The following DNM1L variants were observed in gnomAD, a reference collection of about 807,000 sequenced individuals.
DNM1L encodes the protein dynamin 1L.
Under a neutral mutation model 92.8 loss-of-function variants are expected in DNM1L, and 33 were observed. The observed-to-expected ratio is 0.36, with a 90% confidence interval of 0.27 to 0.48. The LOEUF (loss-of-function observed/expected upper bound fraction) is 0.48, where lower values mean the gene tolerates loss of function less well. DNM1L is among the 20% of genes least tolerant of loss of function. The pLI is 0.99. For synonymous variants in DNM1L, 284 were observed against 305.0 expected (o/e 0.93, Z 0.72); for missense variants, 485 against 888.8 (o/e 0.55, Z 5.78).
rs1955034068 is a variant in DNM1L at position 32,738,186 on chromosome 12, C to T, written c.1675-78C>T. 5 of 1,522,974 alleles carry T rather than the reference C, an allele frequency of 3.3e-6. No individual in the cohort carries two copies. The South Asian group carries it at 4.5e-5, about 14-fold the overall frequency. The allele number at this position is 1,522,974 out of a possible 1,614,324, so 94.3% of individuals were successfully genotyped here. A position where few individuals can be genotyped will look rare whatever the true frequency, so the allele number is the denominator to read the frequency against. ...AAAGTAATTTAAAGAGGAAATTATC[C>T]TGCACTTTTTGAATTTCAACCCATT... On this transcript the variant is annotated intron_variant, in intron 15 of 19. Coordinates refer to ENST00000549701, the MANE Select transcript of DNM1L (RefSeq NM_012062.5).
At chr12:32,696,237 A>G (rs962708169) in intron 1 of DNM1L, among the ~76,000 whole-genome samples, 6 of 152,100 alleles carry the variant, frequency 3.9e-5, no homozygotes, top group Admixed American at 1.3e-4. Flanking sequence ...TTACCTTTAT[A>G]AGTAAAGGAA....
chr12:32,743,399 C>T lies in DNM1L; in HGVS notation c.2200C>T (p.His734Tyr). The T allele has an allele frequency of 6.2e-7, 1 of 1,613,928 alleles. No homozygotes were observed. Among genetic ancestry groups the T allele is most frequent in the Non-Finnish European group, 8.5e-7 (1 of 1,179,968 alleles). Residue 734 changes from histidine (H) to tyrosine (Y), a missense_variant, in exon 20 of 20, where the codon CAT becomes TAT. Transcript: ENST00000549701. ...AATTATTGCTGAAATCCGGGAGACTCATCTTTGGTGAAGAGAACTATGTAA... is the reference window on the plus strand; with the variant it reads ...AATTATTGCTGAAATCCGGGAGACTTATCTTTGGTGAAGAGAACTATGTAA... ...SQIIAEIRETHLW is the reference protein window; with the variant it reads ...SQIIAEIRETYLW
rs745781534 is a variant in DNM1L at position 32,705,821 on chromosome 12, A to G, written c.251-1546A>G. 56 of 1,597,726 alleles carry G rather than the reference A, an allele frequency of 3.5e-5. No homozygotes were observed. In the South Asian group the frequency reaches 5.1e-4, roughly 14 times the overall value. ...TATTCTGTGCTGTTTCTCTTTAACTACAGACCCTGCTACATGGAAAAACTC... is the reference window on the plus strand; with the variant it reads ...TATTCTGTGCTGTTTCTCTTTAACTGCAGACCCTGCTACATGGAAAAACTC... On this transcript the variant is annotated intron_variant, in intron 2 of 19. Coordinates refer to ENST00000549701, the MANE Select transcript of DNM1L (RefSeq NM_012062.5).
intron 6 of DNM1L, among the ~76,000 whole-genome samples, chr12:32,714,571 C>G (rs1006185380): frequency 8.5e-5 from 13 of 152,086 alleles, no homozygotes; most frequent in African/African-American, 3.1e-4. Flanking sequence ...CGTGCTTGGC[C>G]CCAATATTTT....
intron 17 of DNM1L, 73 bp downstream of exon 17, chr12:32,740,313 A>T: frequency 6.2e-7 from 1 of 1,612,100 alleles, no homozygotes; most frequent in Non-Finnish European, 8.5e-7. Context: ...AGACAGAAAG[A>T]ACTAAAAGTC....
At chr12:32,724,674 AATAT>A (rs1490018589) in intron 9 of DNM1L, among the ~76,000 whole-genome samples, 2 of 139,332 alleles carry the variant, frequency 1.4e-5, no homozygotes, top group Non-Finnish European at 3.1e-5. Context: ...AAAAAATAAT[AATAT>A]ATATAATAAT....
rs202245702 is a variant in DNM1L, at chr12:32,731,017, C to T, written c.1083C>T (p.Cys361=). ...TAKYIETSEL[C]GGARICYIFH... is the part of the protein sequence containing the mutation. The stretch of plus-strand genomic sequence containing the variant: ...CATATACTTCATTGCCTTTCAGATG[C>T]GGTGGTGCTAGAATTTGTTATATTT... The change falls in exon 10 of 20, where the codon TGC becomes TGT. Residue 361 remains cysteine, a synonymous_variant. Transcript: ENST00000549701. The surrounding 1 kb of genome is among the most constrained non-coding windows in gnomAD (Gnocchi z 5.1). The T allele has an allele frequency of 1.4e-4, 231 of 1,613,702 alleles. No homozygotes were observed. Among genetic ancestry groups the T allele is most frequent in the Non-Finnish European group, 1.9e-4 (223 of 1,179,836 alleles).
At chr12:32,742,888 CTTTTTTTTTTTT>C (rs36039451) in intron 19 of DNM1L, 140 bp downstream of exon 19, 51 of 248,680 alleles carry the variant, frequency 2.1e-4, no homozygotes, top group Admixed American at 4.9e-4. Flanking sequence ...TGATAAGAAT[CTTTTTTTTTTTT>C]TTTTTTTTTT....
chr12:32,718,544 A>T, intron 6 of DNM1L, 99 bp from the exon 7 acceptor site: 2 of 1,471,766 alleles, frequency 1.4e-6, no homozygotes. Flanking sequence ...ACTAAGTGGG[A>T]TTGTAGATGA....
At position 32,722,580 on chromosome 12, in the gene DNM1L, A is replaced by G. The variant is rs2137445933; in HGVS notation, c.1026A>G (p.Thr342=). Residue 342 remains threonine (T), a synonymous_variant, in exon 9 of 20, where the codon ACA becomes ACG. Coordinates refer to ENST00000549701, the MANE Select transcript of DNM1L (RefSeq NM_012062.5). ...TCCAACTTATTACCAAATTTGCCAC[A>G]GAATATTGTAACACTATTGAAGGAA... The part of the protein sequence containing the change: ...TLLQLITKFA[T]EYCNTIEGTA... The G allele has an allele frequency of 6.2e-7, 1 of 1,613,354 alleles. No individual in the cohort carries two copies. The highest frequency in any genetic ancestry group is 1.1e-5 in the South Asian group (1 of 91,066).
At position 32,695,721 on chromosome 12, in the gene DNM1L, G is replaced by A. The variant is rs1385267242; in HGVS notation, c.103-5694G>A. Reference sequence around the variant, plus strand: ...GGGAAGGTTGAGGCTGCAGTGGACTGTGCTGGTGCCACCGCACACCAGCCT... The same window carrying A: ...GGGAAGGTTGAGGCTGCAGTGGACTATGCTGGTGCCACCGCACACCAGCCT... On this transcript the variant is annotated intron_variant, in intron 1 of 19. Transcript: ENST00000549701. 5.9e-5 allele frequency among the ~76,000 whole-genome samples: 9 copies of A among 152,160 alleles called. No homozygotes were observed. In the East Asian group the frequency reaches 1.2e-3, roughly 20 times the overall value.
chr12:32,726,108 T>C (rs1163634103), intron 9 of DNM1L, among the ~76,000 whole-genome samples: 2 of 146,892 alleles, frequency 1.4e-5, no homozygotes, highest in Non-Finnish European at 3.0e-5. Context: ...TTCATAGCTG[T>C]ACTCCAAGAG....
intron 1 of DNM1L, among the ~76,000 whole-genome samples, chr12:32,700,302 TAG>T (rs1952649427): frequency 6.6e-6 from 1 of 152,082 alleles, no homozygotes; most frequent in African/African-American, 2.4e-5. Context: ...GTATTTTTAG[TAG>T]AGACAGGGTT....
intron 9 of DNM1L, chr12:32,727,628 A>C (rs184501438): frequency 1.1e-5 from 4 of 354,732 alleles, no homozygotes; most frequent in African/African-American, 8.2e-5. Context: ...ATAGATGCCT[A>C]TACTACATGT....
At chr12:32,724,253 A>T (rs1252008774) in intron 9 of DNM1L, among the ~76,000 whole-genome samples, 2 of 152,096 alleles carry the variant, frequency 1.3e-5, no homozygotes, top group East Asian at 3.8e-4. Flanking sequence ...GGACCTTGTG[A>T]AATAGTGCAT....
intron 1 of DNM1L, chr12:32,692,870 G>C (rs535590850): frequency 1.3e-5 from 2 of 152,148 alleles, no homozygotes; most frequent in Non-Finnish European, 1.5e-5. Flanking sequence ...ACAGTCATGT[G>C]AAATTTATTT....
intron 9 of DNM1L, among the ~76,000 whole-genome samples, chr12:32,727,746 C>A (rs938797785): frequency 6.6e-6 from 1 of 152,108 alleles, no homozygotes; most frequent in Non-Finnish European, 1.5e-5. Context: ...TAGTATTTTA[C>A]TTTTTAGATA....
rs766393992 is a variant in DNM1L at position 32,731,822 on chromosome 12, A to T, written c.1357-32A>T. 4.4e-6 allele frequency: 7 copies of T among 1,578,682 alleles called. No individual in the cohort carries two copies. The Admixed American group carries it at 1.2e-4, about 26-fold the overall frequency. On this transcript the variant is annotated intron_variant, in intron 11 of 19. Transcript: ENST00000549701. This position sits in a 1 kb window ranked among gnomAD's most constrained non-coding sequence, Gnocchi z 5.1. Reference sequence around the variant, plus strand: ...ATGACTTAAAAAAAAAACAAAAAACAAACACGTTTTTCTTTCATCTACCAT... The same window carrying T: ...ATGACTTAAAAAAAAAACAAAAAACTAACACGTTTTTCTTTCATCTACCAT...
In DNM1L at chr12:32,710,893, A is replaced by T. The variant is rs777623029; in HGVS notation, c.370-36A>T. The stretch of plus-strand genomic sequence containing the variant: ...AATGAAGTTTATTACTTCATAGTTC[A>T]TTGAAATTTTAATATATTTTAAAAT... On this transcript the variant is annotated intron_variant, in intron 4 of 19. Transcript: ENST00000549701. 5 of 1,458,080 alleles carry T rather than the reference A, an allele frequency of 3.4e-6. No homozygotes were observed. The African/African-American group carries it at 4.2e-5, about 12-fold the overall frequency. 90.3% of individuals were successfully genotyped at this position (1,458,080 alleles called of 1,614,324 possible).
Sources: allele counts gnomAD v4.1 joint callset (sites outside exome capture counted in the v4.1 genomes callset), GRCh38; gene constraint gnomAD v4.1.1; non-coding constraint Gnocchi (gnomAD v3.1); transcripts MANE v1.5; gene names NCBI Gene and HGNC (gene_info 2026-07-23, HGNC 2026-07-21).